POLR3B: variants seen among roughly 807,000 people sequenced by gnomAD.
The protein encoded by POLR3B is DNA-directed RNA polymerase III subunit RPC2.
POLR3B carries 96 observed loss-of-function variants against 147.4 expected under a neutral mutation model. That is an observed-to-expected ratio of 0.65 (90% CI 0.55 to 0.77). The LOEUF is 0.77. Among genes scored for constraint, POLR3B ranks in the 30% least tolerant of loss-of-function variants. The pLI is 0.00. For synonymous variants in POLR3B, 461 were observed against 485.9 expected (o/e 0.95, Z 0.67); for missense variants, 1,036 against 1,413.5 (o/e 0.73, Z 4.28).
rs772784637 is a variant in POLR3B, at chr12:106,504,291, T to G, written c.3272+37T>G. 1 of 1,547,738 alleles carries G rather than the reference T, an allele frequency of 6.5e-7. No individual in the cohort carries two copies. Among genetic ancestry groups the G allele is most frequent in the South Asian group, 1.1e-5 (1 of 89,820 alleles). On this transcript the variant is annotated intron_variant, in intron 27 of 27. Transcript: ENST00000228347. This position sits in a 1 kb window ranked among gnomAD's most constrained non-coding sequence, Gnocchi z 4.6. ...CCATATGTCTCCCATACCACACCCC[T>G]TGCCTCTTAAATCACAGCTCAAGAA...
chr12:106,462,573 T>G (rs1178833458), intron 22 of POLR3B, among the ~76,000 whole-genome samples: 2 of 152,172 alleles, frequency 1.3e-5, no homozygotes, highest in African/African-American at 4.8e-5. Context: ...GCCATGTTAC[T>G]CTCTTGGATA....
At chr12:106,382,884 A>T (rs1212244173) in intron 9 of POLR3B, among the ~76,000 whole-genome samples, 1 of 152,202 alleles carries the variant, frequency 6.6e-6, no homozygotes, top group Non-Finnish European at 1.5e-5. Context: ...CCAGGCATTG[A>T]CTTCTCCAGC....
chr12:106,442,550 C>T lies in POLR3B; in HGVS notation c.1956-1913C>T, dbSNP rs2037666432. Among the ~76,000 whole-genome samples the T allele has an allele frequency of 2.6e-5, 4 of 152,052 alleles. No homozygotes were observed. In the East Asian group the frequency reaches 7.7e-4, roughly 29 times the overall value. Reference sequence around the variant, plus strand: ...GTTCTGCTAGGTCATAAGGTGAAAACAGTACTCTTCAAACCAAGAACCACA... The same window carrying T: ...GTTCTGCTAGGTCATAAGGTGAAAATAGTACTCTTCAAACCAAGAACCACA... On this transcript the variant is annotated intron_variant, in intron 18 of 27. Transcript: ENST00000228347.
At chr12:106,483,296 C>A (rs531638270) in intron 23 of POLR3B, among the ~76,000 whole-genome samples, 2 of 152,170 alleles carry the variant, frequency 1.3e-5, no homozygotes, top group Non-Finnish European at 2.9e-5. Flanking sequence ...TGCCCACCCA[C>A]GTCCATCCCA....
rs368213717 is a variant in POLR3B, at chr12:106,496,878, A to G, written c.2944A>G (p.Asn982Asp). 6.8e-5 allele frequency: 110 copies of G among 1,613,970 alleles called. No individual in the cohort carries two copies. The highest frequency in any genetic ancestry group is 1.6e-4 in the Middle Eastern group (1 of 6,084). The part of the protein sequence containing the change: ...VCEDLVRHGY[N>D]YLGKDYVTSG... ...TGAGGACCTCGTTCGCCATGGTTAT[A>G]ACTACTTGGGGAAAGACTATGTTAC... The change falls in exon 25 of 28, where the codon AAC becomes GAC. Residue 982 changes from asparagine to aspartate, a missense_variant. Asn to Asp is a conservative substitution (Grantham distance 23, BLOSUM62 1). Coordinates refer to ENST00000228347, the MANE Select transcript of POLR3B (RefSeq NM_018082.6).
chr12:106,380,137 A>C lies in POLR3B; in HGVS notation c.721A>C (p.Lys241Gln), dbSNP rs751885179. 2.7e-6 allele frequency: 4 copies of C among 1,491,076 alleles called. No homozygotes were observed. The East Asian group carries it at 6.8e-5, about 25-fold the overall frequency. The allele number at this position is 1,491,076 out of a possible 1,614,324, so 92.4% of individuals were successfully genotyped here. A position where few individuals can be genotyped will look rare whatever the true frequency, so the allele number is the denominator to read the frequency against. Residue 241 changes from lysine (K) to glutamine (Q), a missense_variant and splice_region_variant, in exon 9 of 28, where the codon AAG (lysine) becomes CAG (glutamine). By Grantham distance (53) the Lys-to-Gln change is moderately conservative. Transcript: ENST00000228347. ...SEDIPIVIIF[K>Q]AMGVESDQEI... Reference sequence around the variant, plus strand: ...AGATATACCCATTGTCATCATATTTAAGGTAAAGCTGCAGCTCTCTTCTGA... The same window carrying C: ...AGATATACCCATTGTCATCATATTTCAGGTAAAGCTGCAGCTCTCTTCTGA...
intron 23 of POLR3B, among the ~76,000 whole-genome samples, chr12:106,484,136 G>A (rs1053805759): frequency 6.6e-6 from 1 of 152,100 alleles, no homozygotes. Context: ...AGAGGGCTTT[G>A]ATAAAGATGT....
rs10861607 is a variant in POLR3B at position 106,444,562 on chromosome 12, T to C, written c.2055T>C (p.Tyr685=). Residue 685 remains tyrosine, a synonymous_variant, in exon 19 of 28, where the codon TAT becomes TAC. Coordinates refer to ENST00000228347, the MANE Select transcript of POLR3B (RefSeq NM_018082.6). ...PHHNQSPRNT[Y]QCAMGKQAMG... The stretch of plus-strand genomic sequence containing the variant: ...ATAACCAGTCACCGAGAAACACTTA[T>C]CAGTGTGCCATGGGGAAACAAGCCA... 0.27 allele frequency: 442,162 copies of C among 1,612,712 alleles called. 68,456 individuals are homozygous for C. Among genetic ancestry groups the C allele is most frequent in the East Asian group, 0.7 (31,163 of 44,800 alleles).
In POLR3B at chr12:106,388,324, C is replaced by CTT. The variant is rs35512078; in HGVS notation, c.724-4696_724-4695dup. On this transcript the variant is annotated intron_variant, in intron 9 of 27. Coordinates refer to ENST00000228347, the MANE Select transcript of POLR3B (RefSeq NM_018082.6). ...GAAACTAACTTATATGGAAATTTAT[C>CTT]TTTTTTTTTTTTGAGATGGAGTCTT... Among the ~76,000 whole-genome samples the CTT allele has an allele frequency of 1.2e-3, 182 of 147,598 alleles. 4 individuals carry two copies. The East Asian group carries it at 0.018, about 14-fold the overall frequency.
rs2037839403 is a variant in POLR3B, at chr12:106,454,514, A to T, written c.2096A>T (p.Tyr699Phe). ...MGKQAMGTIG[Y>F]NQRNRIDTLM... ...CATATCAATGCAGGTACTATAGGAT[A>T]CAACCAGCGAAACAGAATTGATACT... is the stretch of plus-strand genomic sequence containing the variant. Residue 699 changes from tyrosine (Y) to phenylalanine (F), a missense_variant, in exon 20 of 28, where the codon TAC (tyrosine) becomes TTC (phenylalanine). Coordinates refer to ENST00000228347, the MANE Select transcript of POLR3B (RefSeq NM_018082.6). 1 of 1,571,762 alleles carries T rather than the reference A, an allele frequency of 6.4e-7. No individual in the cohort carries two copies. The highest frequency in any genetic ancestry group is 1.1e-5 in the South Asian group (1 of 90,252).
chr12:106,502,336 C>G (rs1397602888), intron 26 of POLR3B, among the ~76,000 whole-genome samples: 1 of 152,174 alleles, frequency 6.6e-6, no homozygotes, highest in Non-Finnish European at 1.5e-5. Flanking sequence ...GTGATCTCAT[C>G]TCCACCTTTT....
chr12:106,471,640 G>C (rs1482863990), intron 23 of POLR3B, among the ~76,000 whole-genome samples: 1 of 152,080 alleles, frequency 6.6e-6, no homozygotes, highest in Admixed American at 6.5e-5. Flanking sequence ...CAGAGACCAT[G>C]TCCTTGTATT....
chr12:106,493,440 C>A (rs2038432116), intron 23 of POLR3B, among the ~76,000 whole-genome samples: 1 of 152,208 alleles, frequency 6.6e-6, no homozygotes, highest in Admixed American at 6.5e-5. Context: ...TGAGAACTCT[C>A]TTTCTACCCC....
intron 23 of POLR3B, among the ~76,000 whole-genome samples, chr12:106,470,876 A>G (rs568956822): frequency 9.5e-4 from 144 of 152,214 alleles, no homozygotes; most frequent in African/African-American, 3.3e-3. Context: ...TTTGTCGGCC[A>G]CTACTGGGAG....
intron 4 of POLR3B, among the ~76,000 whole-genome samples, chr12:106,368,517 C>T (rs886220472): frequency 6.6e-5 from 10 of 152,094 alleles, no homozygotes; most frequent in African/African-American, 2.4e-4. Flanking sequence ...AAATCTGGCT[C>T]CCATTATCTG....
chr12:106,410,798 A>G (rs2037214795), intron 11 of POLR3B, 28 bp from the exon 12 acceptor site: 4 of 1,610,262 alleles, frequency 2.5e-6, no homozygotes, highest in Non-Finnish European at 2.5e-6. Context: ...CATTTTCTCA[A>G]AATTTTTCTC....
intron 13 of POLR3B, among the ~76,000 whole-genome samples, chr12:106,428,840 G>C (rs370419109): frequency 6.6e-6 from 1 of 152,152 alleles, no homozygotes; most frequent in East Asian, 1.9e-4. Context: ...GAAACTCAAG[G>C]TTCCAAAGTG....
rs142056158 is a variant in POLR3B at position 106,411,640 on chromosome 12, TTTCTC to T, written c.1101+683_1101+687del. On this transcript the variant is annotated intron_variant, in intron 12 of 27. Coordinates refer to ENST00000228347, the MANE Select transcript of POLR3B (RefSeq NM_018082.6). The stretch of plus-strand genomic sequence containing the variant: ...GGGAGTAAGACAGACAAAAGCCCCT[TTTCTC>T]TTACTCCTTGTAGTCTCAGTGGAAG... 9.7e-3 allele frequency among the ~76,000 whole-genome samples: 1,473 copies of T among 152,288 alleles called. 24 individuals are homozygous for T. The highest frequency in any genetic ancestry group is 0.034 in the African/African-American group (1,407 of 41,554).
chr12:106,409,454 C>T (rs1230844796), intron 11 of POLR3B, among the ~76,000 whole-genome samples: 1 of 141,018 alleles, frequency 7.1e-6, no homozygotes, highest in African/African-American at 2.7e-5. Flanking sequence ...AACAAAGTAG[C>T]TTTTAGGGCT....
Sources: gnomAD v4.1 joint callset for allele counts (sites outside exome capture counted in the v4.1 genomes callset) on GRCh38, gnomAD v4.1.1 for gene constraint, Gnocchi (gnomAD v3.1) non-coding constraint, MANE v1.5 for transcripts, NCBI Gene and HGNC (gene_info 2026-07-23, HGNC 2026-07-21) for gene names.